The following NUMB variants were observed in gnomAD, a reference collection of about 807,000 sequenced individuals.
NUMB encodes NUMB endocytic adaptor protein.
NUMB carries 29 observed loss-of-function variants against 59.7 expected under a neutral mutation model. The observed-to-expected ratio is 0.49, with a 90% CI of 0.36 to 0.66. The LOEUF is 0.66. Ranked by LOEUF, NUMB falls within the 30% of genes least tolerant of loss-of-function variation. NUMB has a pLI of 0.00. For synonymous variants in NUMB, 288 were observed against 288.2 expected (o/e 1.00, Z 0.01); for missense variants, 723 against 822.0 (o/e 0.88, Z 1.47).
chr14:73,364,110 A>G (rs974495727), intron 3 of NUMB, among the ~76,000 whole-genome samples: 1 of 152,228 alleles, frequency 6.6e-6, no homozygotes, highest in Non-Finnish European at 1.5e-5. Context: ...AATGCAGAAA[A>G]CATGTTTGAT....
At chr14:73,436,355 C>A (rs545632274) in intron 1 of NUMB, among the ~76,000 whole-genome samples, 1 of 152,226 alleles carries the variant, frequency 6.6e-6, no homozygotes, top group East Asian at 1.9e-4. Context: ...CCCACTCTGT[C>A]GCCCAGGATG....
At chr14:73,308,957 G>A (rs533992595) in intron 6 of NUMB, among the ~76,000 whole-genome samples, 12 of 152,140 alleles carry the variant, frequency 7.9e-5, no homozygotes, top group Non-Finnish European at 1.0e-4. Flanking sequence ...TGATTAAATG[G>A]GTTCAACAGA....
At chr14:73,390,990 T>C (rs1895825729) in intron 2 of NUMB, among the ~76,000 whole-genome samples, 1 of 152,034 alleles carries the variant, frequency 6.6e-6, no homozygotes, top group Non-Finnish European at 1.5e-5. Context: ...ACAACAGGTT[T>C]TGAAACACTA....
At chr14:73,360,978 T>C (rs2140033331) in intron 3 of NUMB, among the ~76,000 whole-genome samples, 1 of 152,094 alleles carries the variant, frequency 6.6e-6, no homozygotes, top group Admixed American at 6.6e-5. Flanking sequence ...AGCCTCAACC[T>C]CCCGGGCTCA....
chr14:73,375,564 T>C (rs1381064416), intron 2 of NUMB, among the ~76,000 whole-genome samples: 1 of 152,206 alleles, frequency 6.6e-6, no homozygotes, highest in Non-Finnish European at 1.5e-5. Context: ...TTCAATTCTA[T>C]CATACAACAT....
chr14:73,278,248 G>A (rs931463209), intron 12 of NUMB, among the ~76,000 whole-genome samples: 9 of 152,114 alleles, frequency 5.9e-5, no homozygotes, highest in Admixed American at 5.2e-4. Flanking sequence ...GAGGCCGGGT[G>A]TGGTGGCTCA....
chr14:73,347,487 A>G (rs1265023039), intron 4 of NUMB, among the ~76,000 whole-genome samples: 1 of 152,114 alleles, frequency 6.6e-6, no homozygotes, highest in African/African-American at 2.4e-5. Flanking sequence ...ATTTTCAGAC[A>G]AGCTTGAATT....
At chr14:73,356,109 CCTACCCAT>C (rs1290044251) in intron 3 of NUMB, among the ~76,000 whole-genome samples, 1 of 152,138 alleles carries the variant, frequency 6.6e-6, no homozygotes, top group Non-Finnish European at 1.5e-5. Context: ...AGAAATTCTG[CCTACCCAT>C]CTACCTCTCA....
chr14:73,394,019 G>A (rs555828426), intron 2 of NUMB, among the ~76,000 whole-genome samples: 96 of 152,306 alleles, frequency 6.3e-4, no homozygotes, highest in Non-Finnish European at 1.2e-3. Flanking sequence ...AGGCTGGAGT[G>A]CAATTGCGCG....
At chr14:73,322,317 C>T (rs1188214680) in intron 5 of NUMB, among the ~76,000 whole-genome samples, 5 of 152,206 alleles carry the variant, frequency 3.3e-5, no homozygotes, top group African/African-American at 4.8e-5. Flanking sequence ...ATTCCGAACT[C>T]GTTCTTTCCT....
chr14:73,376,008 G>T (rs1894928762), intron 2 of NUMB, among the ~76,000 whole-genome samples: 1 of 152,098 alleles, frequency 6.6e-6, no homozygotes, highest in Admixed American at 6.5e-5. Context: ...AACAAGAAAA[G>T]GATGTCTCCT....
chr14:73,394,840 C>T (rs1267942860), intron 2 of NUMB, among the ~76,000 whole-genome samples: 6 of 152,058 alleles, frequency 3.9e-5, no homozygotes, highest in African/African-American at 1.4e-4. Context: ...CAAAAAATAA[C>T]ATTTCACATT....
At chr14:73,415,405 G>C (rs1180519703) in intron 1 of NUMB, among the ~76,000 whole-genome samples, 1 of 152,004 alleles carries the variant, frequency 6.6e-6, no homozygotes, top group Non-Finnish European at 1.5e-5. Flanking sequence ...AATAACTAAA[G>C]TAACACTTCA....
At chr14:73,360,550 T>A (rs1483785096) in intron 3 of NUMB, among the ~76,000 whole-genome samples, 1 of 151,894 alleles carries the variant, frequency 6.6e-6, no homozygotes, top group African/African-American at 2.4e-5. Flanking sequence ...AAAGTGAGAC[T>A]CCATCTCAAA....
At chr14:73,294,093 GAATGGATTC>G (rs1889591091) in intron 7 of NUMB, among the ~76,000 whole-genome samples, 1 of 152,202 alleles carries the variant, frequency 6.6e-6, no homozygotes, top group African/African-American at 2.4e-5. Context: ...TATGTGGAAA[GAATGGATTC>G]CGTTACATTC....
At chr14:73,321,885 A>T (rs1891423277) in intron 5 of NUMB, among the ~76,000 whole-genome samples, 1 of 152,150 alleles carries the variant, frequency 6.6e-6, no homozygotes, top group South Asian at 2.1e-4. Context: ...ATTATAGCCA[A>T]TTACTTTTCT....
chr14:73,277,360 G>GTTA, intron 12 of NUMB, 67 bp from the exon 13 acceptor site: 1 of 1,254,724 alleles, frequency 8.0e-7, no homozygotes, highest in Non-Finnish European at 1.1e-6. Flanking sequence ...TATAATCTTG[G>GTTA]TTATTTGAAT....
At chr14:73,430,630 C>T (rs1218172775) in intron 1 of NUMB, among the ~76,000 whole-genome samples, 1 of 150,238 alleles carries the variant, frequency 6.7e-6, no homozygotes, top group Non-Finnish European at 1.5e-5. Context: ...TAAGAGACTC[C>T]GTCTCAAAAC....
chr14:73,334,677 G>A (rs1025616640), intron 4 of NUMB, among the ~76,000 whole-genome samples: 17 of 151,968 alleles, frequency 1.1e-4, no homozygotes, highest in Admixed American at 3.9e-4. Context: ...GGCTGGGTGC[G>A]GTGGCTCACA....
Sources: allele counts gnomAD v4.1 joint callset (sites outside exome capture counted in the v4.1 genomes callset), GRCh38; gene constraint gnomAD v4.1.1; transcripts MANE v1.5; gene names NCBI Gene and HGNC (gene_info 2026-07-23, HGNC 2026-07-21).